The following PLD1 variants were observed in gnomAD, a reference collection of about 807,000 sequenced individuals.
The protein encoded by PLD1 is choline phosphatase 1.
PLD1 carries 112 observed loss-of-function variants against 137.1 expected under a neutral mutation model. The observed-to-expected ratio is 0.82, with a 90% CI of 0.70 to 0.96. PLD1 has a LOEUF of 0.96. PLD1 is among the 40% of genes least tolerant of loss of function. The pLI is 0.00. For synonymous variants in PLD1, 431 were observed against 454.7 expected (o/e 0.95, Z 0.66); for missense variants, 1,321 against 1,342.0 (o/e 0.98, Z 0.24).
chr3:171,618,879 A>G lies in PLD1; in HGVS notation c.2728+1507T>C, dbSNP rs200427790. Among the ~76,000 whole-genome samples the G allele has an allele frequency of 1.3e-3, 167 of 128,844 alleles. 2 individuals are homozygous for G. Among genetic ancestry groups the G allele is most frequent in the Admixed American group, 0.01 (133 of 12,978 alleles). The allele number at this position is 128,844 out of a possible 152,430, so 84.5% of individuals were successfully genotyped here. A position where few individuals can be genotyped will look rare whatever the true frequency, so the allele number is the denominator to read the frequency against. ...TGTGCGTGTGTGTGTGTGTGTGTGT[A>G]TGTATCTCACCACACTGTGGTTTAC... is the stretch of plus-strand genomic sequence containing the variant. On this transcript the variant is annotated intron_variant, in intron 24 of 26. Transcript: ENST00000351298.
At chr3:171,724,105 T>C (rs1718334814) in intron 8 of PLD1, among the ~76,000 whole-genome samples, 1 of 152,260 alleles carries the variant, frequency 6.6e-6, no homozygotes, top group Admixed American at 6.5e-5. Context: ...AATACTGCTA[T>C]AGAAAAGTTC....
intron 1 of PLD1, among the ~76,000 whole-genome samples, chr3:171,739,380 A>C (rs995052925): frequency 6.6e-6 from 1 of 152,190 alleles, no homozygotes; most frequent in Non-Finnish European, 1.5e-5. Context: ...GGAGCGAAGG[A>C]GGGAGGTTCT....
At chr3:171,806,756 G>C (rs1723863040) in intron 1 of PLD1, among the ~76,000 whole-genome samples, 2 of 152,160 alleles carry the variant, frequency 1.3e-5, no homozygotes, top group Admixed American at 1.3e-4. Flanking sequence ...AGTTTAGATA[G>C]GTACTATTTG....
intron 5 of PLD1, among the ~76,000 whole-genome samples, chr3:171,734,432 A>G (rs1719193220): frequency 1.3e-5 from 2 of 152,236 alleles, no homozygotes; most frequent in Non-Finnish European, 2.9e-5. Context: ...GTACTCCGTC[A>G]GACTCTTCTC....
At chr3:171,626,157 A>G (rs1405379052) in intron 23 of PLD1, among the ~76,000 whole-genome samples, 1 of 152,252 alleles carries the variant, frequency 6.6e-6, no homozygotes, top group Non-Finnish European at 1.5e-5. Flanking sequence ...AAGTGCTTAA[A>G]GGAGCTGACG....
chr3:171,725,483 C>T (rs546663194), intron 7 of PLD1, among the ~76,000 whole-genome samples: 2 of 152,198 alleles, frequency 1.3e-5, no homozygotes, highest in Admixed American at 6.5e-5. Flanking sequence ...AAAGCAATAA[C>T]AAAGGCTAAA....
intron 23 of PLD1, among the ~76,000 whole-genome samples, chr3:171,628,477 T>C (rs887366440): frequency 3.3e-5 from 5 of 151,916 alleles, no homozygotes; most frequent in African/African-American, 7.2e-5. Flanking sequence ...TTCCAATCAA[T>C]AGAAAAAGAG....
chr3:171,620,768 AT>A (rs1210725786), intron 23 of PLD1, among the ~76,000 whole-genome samples: 10,105 of 97,728 alleles, frequency 0.1, 1,144 homozygotes, highest in African/African-American at 0.3. Flanking sequence ...ATATATATAT[AT>A]TATATATATT....
At chr3:171,659,961 G>T (rs573172318) in intron 20 of PLD1, among the ~76,000 whole-genome samples, 12 of 152,148 alleles carry the variant, frequency 7.9e-5, no homozygotes, top group Admixed American at 7.2e-4. Flanking sequence ...CTTTAAAACT[G>T]TTACTAGAAA....
chr3:171,772,696 A>C lies in PLD1; in HGVS notation c.-31-34614T>G, dbSNP rs866160707. Among the ~76,000 whole-genome samples the C allele has an allele frequency of 2.6e-5, 4 of 152,358 alleles. No individual in the cohort carries two copies. In the South Asian group the frequency reaches 6.2e-4, roughly 24 times the overall value. ...GGATGAGCTGAACAAACCTCAGGGGAAATGTTATTACTTTGATGTTGGAAG... is the reference window on the plus strand; with the variant it reads ...GGATGAGCTGAACAAACCTCAGGGGCAATGTTATTACTTTGATGTTGGAAG... On this transcript the variant is annotated intron_variant, in intron 1 of 26. Transcript: ENST00000351298.
intron 9 of PLD1, 77 bp from the exon 10 acceptor site, chr3:171,709,786 C>A: frequency 7.8e-7 from 1 of 1,283,094 alleles, no homozygotes; most frequent in Non-Finnish European, 1.1e-6. Flanking sequence ...TGGTAATATA[C>A]CAAACACAAA....
intron 1 of PLD1, among the ~76,000 whole-genome samples, chr3:171,785,694 C>T (rs1017567555): frequency 6.6e-6 from 1 of 152,236 alleles, no homozygotes; most frequent in Non-Finnish European, 1.5e-5. Flanking sequence ...GCCTTGGCCT[C>T]CCAAAGTGCT....
chr3:171,681,510 A>G (rs867989756), intron 16 of PLD1, among the ~76,000 whole-genome samples: 7 of 152,188 alleles, frequency 4.6e-5, no homozygotes, highest in Non-Finnish European at 7.3e-5. Context: ...CTGTTTTTCT[A>G]CCTTTTTAGT....
intron 23 of PLD1, among the ~76,000 whole-genome samples, chr3:171,625,061 T>TAA (rs146862287): frequency 1.4e-5 from 2 of 147,480 alleles, no homozygotes; most frequent in African/African-American, 5.0e-5. Context: ...AAGAGAGATT[T>TAA]AAAAAAAAAA....
At chr3:171,698,607 A>G (rs1200757929) in intron 12 of PLD1, among the ~76,000 whole-genome samples, 1 of 152,126 alleles carries the variant, frequency 6.6e-6, no homozygotes, top group Non-Finnish European at 1.5e-5. Context: ...AAACAGAAAA[A>G]TGCTAACCCC....
intron 11 of PLD1, among the ~76,000 whole-genome samples, chr3:171,707,683 T>C (rs1028836679): frequency 6.6e-6 from 1 of 152,128 alleles, no homozygotes; most frequent in Non-Finnish European, 1.5e-5. Flanking sequence ...CCAGGGAACA[T>C]CTAGCAATGT....
At chr3:171,809,909 G>C (rs1307718021) in intron 1 of PLD1, 1 of 152,400 alleles carries the variant, frequency 6.6e-6, no homozygotes, top group South Asian at 2.1e-4. Flanking sequence ...CCCCAGGACC[G>C]TGCTCTGCGG....
intron 20 of PLD1, among the ~76,000 whole-genome samples, chr3:171,660,466 C>T (rs1462942246): frequency 1.3e-5 from 2 of 152,136 alleles, no homozygotes; most frequent in African/African-American, 2.4e-5. Context: ...TTGGAAGAGT[C>T]GGATGAATGC....
At chr3:171,764,509 T>C (rs1721671309) in intron 1 of PLD1, among the ~76,000 whole-genome samples, 1 of 152,124 alleles carries the variant, frequency 6.6e-6, no homozygotes, top group South Asian at 2.1e-4. Flanking sequence ...CCAGTAATTT[T>C]GCAACATGGC....
Sources: gnomAD v4.1 joint callset for allele counts (sites outside exome capture counted in the v4.1 genomes callset) on GRCh38, gnomAD v4.1.1 for gene constraint, MANE v1.5 for transcripts, NCBI Gene and HGNC (gene_info 2026-07-23, HGNC 2026-07-21) for gene names.